C10orf143: variants seen among roughly 807,000 people sequenced by gnomAD.
C10orf143 encodes the protein uncharacterized protein C10orf143.
At chr10:130,047,046 A>C (rs1262543437) in intron 3 of C10orf143, among the ~76,000 whole-genome samples, 1 of 152,204 alleles carries the variant, frequency 6.6e-6, no homozygotes, top group Non-Finnish European at 1.5e-5. Context: ...ACTGGAAGAG[A>C]TGTGTCTCGC....
intron 1 of C10orf143, among the ~76,000 whole-genome samples, chr10:130,082,784 A>G (rs1269022277): frequency 3.3e-5 from 5 of 152,232 alleles, no homozygotes; most frequent in African/African-American, 4.8e-5. Flanking sequence ...TGCATTAGGG[A>G]CCTGAATGCA....
At chr10:130,057,164 T>A (rs1217819344) in intron 3 of C10orf143, among the ~76,000 whole-genome samples, 2 of 152,102 alleles carry the variant, frequency 1.3e-5, no homozygotes, top group African/African-American at 2.4e-5. Context: ...AGTGCTGGGA[T>A]TACAGGTGTG....
At chr10:130,099,869 TCA>T (rs1462673425) in intron 1 of C10orf143, among the ~76,000 whole-genome samples, 2 of 14,828 alleles carry the variant, frequency 1.3e-4, no homozygotes, top group African/African-American at 8.2e-4. Context: ...AGATGGACTC[TCA>T]CTGTCACCCA....
intron 3 of C10orf143, among the ~76,000 whole-genome samples, chr10:130,073,242 C>T (rs1375682147): frequency 6.6e-6 from 1 of 152,200 alleles, no homozygotes; most frequent in African/African-American, 2.4e-5. Flanking sequence ...CCACCCAAGG[C>T]CTTCAGGACT....
Position 130,110,774 on chromosome 10 carries a change from C to G in C10orf143, c.-2G>C. 1 of 398,952 alleles carries G rather than the reference C, an allele frequency of 2.5e-6. No homozygotes were observed. Among genetic ancestry groups the G allele is most frequent in the Non-Finnish European group, 4.4e-6 (1 of 226,124 alleles). 24.7% of individuals were successfully genotyped at this position (398,952 alleles called of 1,614,324 possible). On this transcript the variant is annotated 5_prime_UTR_variant, in exon 1 of 4. Transcript: ENST00000637128. Reference sequence around the variant, plus strand: ...GCGGCCGAGCGCTAAGCTGTCCATGCAGCCCCAGGGTCAAACCCTCCCGGC... The same window carrying G: ...GCGGCCGAGCGCTAAGCTGTCCATGGAGCCCCAGGGTCAAACCCTCCCGGC...
intron 1 of C10orf143, among the ~76,000 whole-genome samples, chr10:130,102,329 G>A (rs1054906968): frequency 2.0e-5 from 3 of 152,040 alleles, no homozygotes; most frequent in African/African-American, 7.2e-5. Flanking sequence ...CACCCAAGCC[G>A]AAGTGCAGTG....
At chr10:130,047,730 T>C (rs1353143339) in intron 3 of C10orf143, among the ~76,000 whole-genome samples, 4 of 152,162 alleles carry the variant, frequency 2.6e-5, no homozygotes, top group Non-Finnish European at 5.9e-5. Context: ...AGACATACTT[T>C]CACATCCTTC....
At chr10:130,106,859 C>T (rs1476506692) in intron 1 of C10orf143, 1 of 1,135,948 alleles carries the variant, frequency 8.8e-7, no homozygotes. Flanking sequence ...TGAACATTTG[C>T]TAAAGATGAA....
chr10:130,050,614 ATG>A (rs1271543837), intron 3 of C10orf143, among the ~76,000 whole-genome samples: 1 of 152,224 alleles, frequency 6.6e-6, no homozygotes, highest in African/African-American at 2.4e-5. Flanking sequence ...CCTTAAAACA[ATG>A]TGTTTTTTTA....
rs140343899 is a variant in C10orf143, at chr10:130,043,125, A to C, written c.298-7155T>G. ...TCCATAACAATATGTTTTTTAAAAT[A>C]AGAAAGTTAAGCAGCTGATATAATT... On this transcript the variant is annotated intron_variant and NMD_transcript_variant, in intron 3 of 5. Transcript: ENST00000643056. 2.0e-5 allele frequency among the ~76,000 whole-genome samples: 3 copies of C among 152,308 alleles called. No individual in the cohort carries two copies. In the East Asian group the frequency reaches 5.8e-4, roughly 29 times the overall value.
chr10:130,093,055 C>T (rs183296473), intron 1 of C10orf143, among the ~76,000 whole-genome samples: 110 of 152,262 alleles, frequency 7.2e-4, no homozygotes, highest in African/African-American at 2.6e-3. Context: ...ACTCAGCTCT[C>T]GACTAAGCAG....
At chr10:130,074,883 C>T (rs757210809) in intron 3 of C10orf143, among the ~76,000 whole-genome samples, 63 of 152,042 alleles carry the variant, frequency 4.1e-4, no homozygotes, top group Non-Finnish European at 8.4e-4. Context: ...AAACACCTCC[C>T]TTCCCCTGCC....
rs145847224 is a variant in C10orf143, at chr10:130,094,268, C to T, written c.70-14367G>A. Among the ~76,000 whole-genome samples, 215 of 152,228 alleles carry T rather than the reference C, an allele frequency of 1.4e-3. 1 individual carries two copies. The highest frequency in any genetic ancestry group is 6.8e-3 in the Middle Eastern group (2 of 294). On this transcript the variant is annotated intron_variant, in intron 1 of 3. Transcript: ENST00000637128. ...CAACCAAAAAAAGCCCAGGATCAGACAGATTCACAGGCAAATTCTACCAGA... is the reference window on the plus strand; with the variant it reads ...CAACCAAAAAAAGCCCAGGATCAGATAGATTCACAGGCAAATTCTACCAGA...
chr10:130,108,570 G>T, intron 1 of C10orf143: 1 of 583,034 alleles, frequency 1.7e-6, no homozygotes, highest in South Asian at 2.2e-5. Context: ...ATAATTCTTA[G>T]GATAGTATTT....
At chr10:130,055,176 GAGA>G (rs1860781739) in intron 3 of C10orf143, among the ~76,000 whole-genome samples, 1 of 152,088 alleles carries the variant, frequency 6.6e-6, no homozygotes, top group Admixed American at 6.6e-5. Flanking sequence ...AAAAAACAGA[GAGA>G]AGGTTTCATG....
intron 3 of C10orf143, among the ~76,000 whole-genome samples, chr10:130,053,348 G>A (rs1860758566): frequency 6.6e-6 from 1 of 152,220 alleles, no homozygotes; most frequent in South Asian, 2.1e-4. Context: ...TGGGATTACA[G>A]GCGTGAGCCA....
chr10:130,092,584 A>T (rs1292328801), intron 1 of C10orf143, among the ~76,000 whole-genome samples: 19 of 152,172 alleles, frequency 1.2e-4, no homozygotes, highest in Non-Finnish European at 2.2e-4. Flanking sequence ...CTTAAACATA[A>T]ATGGGATAAA....
chr10:130,052,404 A>G (rs921658851), intron 3 of C10orf143, among the ~76,000 whole-genome samples: 2 of 152,176 alleles, frequency 1.3e-5, no homozygotes, highest in South Asian at 4.2e-4. Context: ...TGGAGAAGGT[A>G]GCCATGGGAG....
intron 1 of C10orf143, among the ~76,000 whole-genome samples, chr10:130,082,845 A>G (rs186465306): frequency 2.0e-5 from 3 of 152,320 alleles, no homozygotes; most frequent in Admixed American, 2.0e-4. Flanking sequence ...AATACAAGTG[A>G]ATTCTCTAAT....
Sources: allele counts gnomAD v4.1 joint callset (sites outside exome capture counted in the v4.1 genomes callset), GRCh38; gene constraint gnomAD v4.1.1; transcripts MANE v1.5; gene names NCBI Gene and HGNC (gene_info 2026-07-23, HGNC 2026-07-21).